The following CDH13 variants were observed in gnomAD, a reference collection of about 807,000 sequenced individuals.
CDH13 encodes cadherin 13, also known as cadherin-13.
Under a neutral mutation model 63.8 loss-of-function variants are expected in CDH13, and 24 were observed. The observed-to-expected ratio is 0.38, with a 90% confidence interval of 0.27 to 0.53. The LOEUF is 0.53. Ranked by LOEUF, CDH13 falls within the 20% of genes least tolerant of loss-of-function variation. The probability of loss-of-function intolerance (pLI) is 0.85; values close to 1 mark genes in which losing one functional copy is unlikely to be tolerated. For missense variants in CDH13, 1,049 were observed against 903.1 expected, an observed-to-expected ratio of 1.16 and a Z score of -2.07; for synonymous variants, 503 against 355.3, an observed-to-expected ratio of 1.42 and a Z score of -4.67.
intron 6 of CDH13, among the ~76,000 whole-genome samples, chr16:83,472,158 C>T (rs1388018776): frequency 2.0e-5 from 3 of 152,178 alleles, no homozygotes; most frequent in Admixed American, 2.0e-4. Flanking sequence ...CCATTACTGT[C>T]CCCACTTAGT....
chr16:83,513,480 TTA>T (rs1375720390), intron 7 of CDH13, among the ~76,000 whole-genome samples: 1 of 152,096 alleles, frequency 6.6e-6, no homozygotes, highest in Non-Finnish European at 1.5e-5. Flanking sequence ...ACTGAATAAT[TTA>T]TAAAGGAAAG....
rs573415251 is a variant in CDH13, at chr16:83,469,400, T to C, written c.782-17077T>C. On this transcript the variant is annotated intron_variant, in intron 6 of 13. Coordinates refer to ENST00000567109, the MANE Select transcript of CDH13 (RefSeq NM_001257.5). ...CAGAGGCTTCAGTGCTAAGTATTAA[T>C]CAAATAGGTCGGGGGTCGAGCAGGC... Among the ~76,000 whole-genome samples the C allele has an allele frequency of 2.0e-5, 3 of 152,278 alleles. No homozygotes were observed. In the East Asian group the frequency reaches 5.8e-4, roughly 29 times the overall value.
intron 2 of CDH13, among the ~76,000 whole-genome samples, chr16:82,879,697 A>G (rs1016858431): frequency 1.4e-5 from 2 of 138,632 alleles, no homozygotes; most frequent in African/African-American, 5.3e-5. Context: ...TAATAATATA[A>G]CCAGTATGTT....
intron 5 of CDH13, among the ~76,000 whole-genome samples, chr16:83,218,171 C>G (rs191661279): frequency 8.9e-4 from 136 of 152,234 alleles, no homozygotes; most frequent in Admixed American, 2.6e-3. Flanking sequence ...GGTTTTCTTA[C>G]CTACTTAAAT....
intron 1 of CDH13, among the ~76,000 whole-genome samples, chr16:82,655,451 G>A (rs1405857686): frequency 6.6e-6 from 1 of 152,166 alleles, no homozygotes; most frequent in Non-Finnish European, 1.5e-5. Context: ...AGAGCAAAAA[G>A]CAAGTGCAAA....
chr16:82,762,507 C>G (rs562644838), intron 1 of CDH13, among the ~76,000 whole-genome samples: 72 of 152,280 alleles, frequency 4.7e-4, no homozygotes, highest in African/African-American at 1.7e-3. Flanking sequence ...GTCAGTAATT[C>G]TAATGATTCA....
chr16:82,805,784 C>T (rs908878090), intron 1 of CDH13, among the ~76,000 whole-genome samples: 1 of 152,122 alleles, frequency 6.6e-6, no homozygotes, highest in Non-Finnish European at 1.5e-5. Flanking sequence ...CTTTGCCAGT[C>T]TGTTGTGGGT....
At chr16:82,703,777 CTT>C (rs1198965830) in intron 1 of CDH13, among the ~76,000 whole-genome samples, 1 of 152,152 alleles carries the variant, frequency 6.6e-6, no homozygotes, top group Non-Finnish European at 1.5e-5. Context: ...AATGCCCCCT[CTT>C]TGCCCCCTGA....
At chr16:83,462,254 A>G (rs1390603982) in intron 6 of CDH13, among the ~76,000 whole-genome samples, 1 of 152,248 alleles carries the variant, frequency 6.6e-6, no homozygotes, top group East Asian at 1.9e-4. Flanking sequence ...GGGAAAGGGA[A>G]GCAATGCTGT....
intron 6 of CDH13, among the ~76,000 whole-genome samples, chr16:83,346,011 G>A (rs1163732779): frequency 1.3e-5 from 2 of 152,140 alleles, no homozygotes; most frequent in Non-Finnish European, 2.9e-5. Context: ...AGACAACCAG[G>A]TGGATAATTG....
At chr16:83,014,137 C>T (rs1298077578) in intron 2 of CDH13, among the ~76,000 whole-genome samples, 1 of 151,814 alleles carries the variant, frequency 6.6e-6, no homozygotes, top group Non-Finnish European at 1.5e-5. Flanking sequence ...TCAGGCAATT[C>T]ACACACACAA....
At chr16:83,156,684 C>A (rs1394583541) in intron 4 of CDH13, among the ~76,000 whole-genome samples, 1 of 152,234 alleles carries the variant, frequency 6.6e-6, no homozygotes, top group Non-Finnish European at 1.5e-5. Flanking sequence ...ACTTCTGCGT[C>A]TTGACGACAT....
intron 3 of CDH13, among the ~76,000 whole-genome samples, chr16:83,120,827 G>A (rs1237185874): frequency 2.2e-5 from 3 of 138,496 alleles, no homozygotes; most frequent in South Asian, 2.3e-4. Context: ...ACAGTGGCGC[G>A]ATCTCAGCTC....
intron 2 of CDH13, among the ~76,000 whole-genome samples, chr16:82,999,227 T>C (rs904972036): frequency 1.3e-5 from 2 of 152,208 alleles, no homozygotes; most frequent in Admixed American, 1.3e-4. Flanking sequence ...TACTCCTTAA[T>C]GTTACTAGCA....
At chr16:82,894,078 G>A (rs1188234729) in intron 2 of CDH13, among the ~76,000 whole-genome samples, 2 of 152,332 alleles carry the variant, frequency 1.3e-5, no homozygotes, top group African/African-American at 4.8e-5. Context: ...GTGTTAGGAA[G>A]TAGCTCAATC....
intron 4 of CDH13, among the ~76,000 whole-genome samples, chr16:83,159,119 T>C (rs2037338877): frequency 6.6e-6 from 1 of 152,138 alleles, no homozygotes; most frequent in African/African-American, 2.4e-5. Context: ...TATTTTTTTC[T>C]GTCTCGGTAA....
rs189348516 is a variant in CDH13, at chr16:83,395,693, C to A, written c.781+50687C>A. Among the ~76,000 whole-genome samples, 496 of 152,260 alleles carry A rather than the reference C, an allele frequency of 3.3e-3. 3 individuals are homozygous for A. Among genetic ancestry groups the A allele is most frequent in the Non-Finnish European group, 4.7e-3 (319 of 68,018 alleles). ...CAGGCTACAGCCAGCCGGTGGTCACCACAGGGTAGATATCACATAGTGGTT... is the reference window on the plus strand; with the variant it reads ...CAGGCTACAGCCAGCCGGTGGTCACAACAGGGTAGATATCACATAGTGGTT... On this transcript the variant is annotated intron_variant, in intron 6 of 13. Coordinates refer to ENST00000567109, the MANE Select transcript of CDH13 (RefSeq NM_001257.5).
chr16:83,059,638 T>G (rs975232070), intron 3 of CDH13, among the ~76,000 whole-genome samples: 3 of 151,990 alleles, frequency 2.0e-5, no homozygotes, highest in African/African-American at 7.2e-5. Flanking sequence ...GACAAGTCAG[T>G]CAGGAGAAAA....
At chr16:83,010,216 G>T (rs1914005745) in intron 2 of CDH13, among the ~76,000 whole-genome samples, 1 of 150,206 alleles carries the variant, frequency 6.7e-6, no homozygotes. Flanking sequence ...AGCTCCTAAG[G>T]CTGCTCATGC....
Sources: gnomAD v4.1 joint callset for allele counts (sites outside exome capture counted in the v4.1 genomes callset) on GRCh38, gnomAD v4.1.1 for gene constraint, MANE v1.5 for transcripts, NCBI Gene and HGNC (gene_info 2026-07-23, HGNC 2026-07-21) for gene names.